NRXN3: variants seen among roughly 807,000 people sequenced by gnomAD.
NRXN3 encodes neurexin 3, also known as neurexin III.
NRXN3 carries 32 observed loss-of-function variants against 137.6 expected under a neutral mutation model. That is an observed-to-expected ratio of 0.23 (90% CI 0.18 to 0.31). The LOEUF is 0.31. Among genes scored for constraint, NRXN3 ranks in the 10% least tolerant of loss-of-function variants. The pLI is 1.00. For missense variants in NRXN3, 1,574 were observed against 2,062.5 expected (o/e 0.76, Z 4.59); for synonymous variants, 798 against 784.5 (o/e 1.02, Z -0.29).
intron 10 of NRXN3, among the ~76,000 whole-genome samples, chr14:78,938,907 C>A (rs933385970): frequency 6.7e-6 from 1 of 148,502 alleles, no homozygotes; most frequent in Admixed American, 6.8e-5. Context: ...TGCAGTGGCG[C>A]AATCTCGGCT....
chr14:79,181,784 A>T (rs2062956954), intron 15 of NRXN3, among the ~76,000 whole-genome samples: 1 of 152,038 alleles, frequency 6.6e-6, no homozygotes, highest in South Asian at 2.1e-4. Context: ...TGTGAAAAGC[A>T]TCTCAATCAT....
At position 79,775,025 on chromosome 14, in the gene NRXN3, G is replaced by A. The variant is rs149665969; in HGVS notation, c.4015-30087G>A. 3.9e-5 allele frequency among the ~76,000 whole-genome samples: 6 copies of A among 152,128 alleles called. No individual in the cohort carries two copies. The East Asian group carries it at 9.7e-4, about 25-fold the overall frequency. On this transcript the variant is annotated intron_variant, in intron 19 of 20. Coordinates refer to ENST00000335750, the MANE Select transcript of NRXN3 (RefSeq NM_001330195.2). ...CACTGAAATTGTTAAATGGAATGGTGACGTAGACACTTTACTTCTCTACTC... is the reference window on the plus strand; with the variant it reads ...CACTGAAATTGTTAAATGGAATGGTAACGTAGACACTTTACTTCTCTACTC...
intron 16 of NRXN3, among the ~76,000 whole-genome samples, chr14:79,602,948 G>T (rs2097944649): frequency 6.6e-6 from 1 of 152,126 alleles, no homozygotes; most frequent in African/African-American, 2.4e-5. Context: ...TCCGTGGGCT[G>T]CTCACCTCCC....
At chr14:78,900,956 A>G (rs927312355) in intron 10 of NRXN3, among the ~76,000 whole-genome samples, 21 of 152,084 alleles carry the variant, frequency 1.4e-4, no homozygotes, top group African/African-American at 3.6e-4. Flanking sequence ...GACTCGCCCA[A>G]CATCACTAGG....
intron 1 of NRXN3, among the ~76,000 whole-genome samples, chr14:78,195,504 T>G (rs2061146199): frequency 6.6e-6 from 1 of 152,120 alleles, no homozygotes; most frequent in Non-Finnish European, 1.5e-5. Context: ...CAGACAGAAG[T>G]GACTGCCAGG....
intron 4 of NRXN3, among the ~76,000 whole-genome samples, chr14:78,431,995 G>A (rs1178725127): frequency 2.0e-5 from 3 of 152,098 alleles, no homozygotes; most frequent in African/African-American, 7.2e-5. Context: ...TTTTAACCGG[G>A]GTATTCAGTA....
At chr14:79,009,396 TA>T (rs2152386413) in intron 15 of NRXN3, among the ~76,000 whole-genome samples, 1 of 152,298 alleles carries the variant, frequency 6.6e-6, no homozygotes, top group African/African-American at 2.4e-5. Flanking sequence ...AGGGATCAAG[TA>T]AAATCATTGC....
At chr14:78,863,043 C>G (rs962834306) in intron 10 of NRXN3, among the ~76,000 whole-genome samples, 3 of 152,052 alleles carry the variant, frequency 2.0e-5, no homozygotes, top group African/African-American at 7.2e-5. Context: ...TCTGATATGC[C>G]TATAGGGCTC....
intron 16 of NRXN3, among the ~76,000 whole-genome samples, chr14:79,475,735 A>T (rs1484073380): frequency 6.6e-6 from 1 of 152,128 alleles, no homozygotes; most frequent in Non-Finnish European, 1.5e-5. Flanking sequence ...TAACTCAAAA[A>T]CTTGTTATAT....
chr14:78,510,931 T>A lies in NRXN3; in HGVS notation c.758-134189T>A, dbSNP rs140066330. On this transcript the variant is annotated intron_variant, in intron 4 of 20. Coordinates refer to ENST00000335750, the MANE Select transcript of NRXN3 (RefSeq NM_001330195.2). ...CTCCCCATGGTTGTATGTGTTTGAA[T>A]TCTTTGGAGAAAATTTTATGACTTG... Among the ~76,000 whole-genome samples, 6 of 152,322 alleles carry A rather than the reference T, an allele frequency of 3.9e-5. No individual in the cohort carries two copies. In the East Asian group the frequency reaches 9.6e-4, roughly 24 times the overall value.
chr14:79,837,880 C>CG (rs1222702568), intron 20 of NRXN3, among the ~76,000 whole-genome samples: 9 of 152,112 alleles, frequency 5.9e-5, no homozygotes, highest in Non-Finnish European at 1.3e-4. Flanking sequence ...AATTTGTACC[C>CG]GTTAGCCAGT....
chr14:78,411,489 A>T (rs1270602554), intron 4 of NRXN3, among the ~76,000 whole-genome samples: 1 of 152,128 alleles, frequency 6.6e-6, no homozygotes, highest in Non-Finnish European at 1.5e-5. Context: ...CCACATGGGG[A>T]TAATAATACC....
chr14:78,602,290 A>ATTTTTTTTTTTTT (rs2097208664), intron 4 of NRXN3: 2 of 71,216 alleles, frequency 2.8e-5, no homozygotes, highest in African/African-American at 1.6e-4. Context: ...TTTTTTTTTA[A>ATTTTTTTTTTTTT]ATTCCAAGGA....
At chr14:78,751,943 G>T (rs1321120925) in intron 8 of NRXN3, among the ~76,000 whole-genome samples, 1 of 152,168 alleles carries the variant, frequency 6.6e-6, no homozygotes, top group Non-Finnish European at 1.5e-5. Flanking sequence ...ATGGATAGAG[G>T]AGTGGATCCC....
At chr14:79,562,838 C>A (rs1260186831) in intron 16 of NRXN3, among the ~76,000 whole-genome samples, 1 of 152,168 alleles carries the variant, frequency 6.6e-6, no homozygotes, top group Non-Finnish European at 1.5e-5. Flanking sequence ...AAAGACATTT[C>A]TTGATGGGTT....
At chr14:78,926,730 A>C (rs1371197012) in intron 10 of NRXN3, among the ~76,000 whole-genome samples, 2 of 72,660 alleles carry the variant, frequency 2.8e-5, no homozygotes, top group Non-Finnish European at 4.6e-5. Context: ...ATTATATATA[A>C]TATAAAATAT....
At chr14:79,518,152 G>A (rs142379739) in intron 16 of NRXN3, among the ~76,000 whole-genome samples, 2,360 of 151,832 alleles carry the variant, frequency 0.016, 29 homozygotes, top group East Asian at 0.055. Flanking sequence ...TGATCCACCC[G>A]CTTCAGCCTC....
intron 15 of NRXN3, among the ~76,000 whole-genome samples, chr14:79,285,738 T>C (rs544482904): frequency 3.3e-5 from 5 of 152,262 alleles, no homozygotes; most frequent in Admixed American, 1.3e-4. Context: ...ATCATCTCTT[T>C]AAAGGCCCTG....
chr14:78,606,270 A>C (rs144381209), intron 4 of NRXN3, among the ~76,000 whole-genome samples: 1 of 152,210 alleles, frequency 6.6e-6, no homozygotes, highest in Admixed American at 6.5e-5. Flanking sequence ...ACTTTCCCCT[A>C]TGATTCCTCT....
Sources: allele counts gnomAD v4.1 joint callset (sites outside exome capture counted in the v4.1 genomes callset), GRCh38; gene constraint gnomAD v4.1.1; transcripts MANE v1.5; gene names NCBI Gene and HGNC (gene_info 2026-07-23, HGNC 2026-07-21).